The following ZNF185 variants were observed in gnomAD, a reference collection of about 807,000 sequenced individuals.
ZNF185 encodes zinc finger protein 185.
A neutral mutation model predicts 58.6 loss-of-function variants in ZNF185; 56 were observed. The observed-to-expected ratio is 0.95, with a 90% CI of 0.77 to 1.19. The LOEUF is 1.19. ZNF185 is among the 50% of genes most tolerant of loss of function. ZNF185 has a pLI of 0.00. For synonymous variants in ZNF185, 230 were observed against 215.9 expected, an observed-to-expected ratio of 1.07 and a Z score of -0.57; for missense variants, 627 against 573.5, an observed-to-expected ratio of 1.09 and a Z score of -0.95.
intron 15 of ZNF185, 82 bp from the exon 18 acceptor site, chrX:152,945,185 G>GTGAC: frequency 1.9e-6 from 2 of 1,057,254 alleles, no homozygotes; most frequent in Non-Finnish European, 2.5e-6. Context: ...TCCACAGGAG[G>GTGAC]TGACAGCCAG....
rs190140741 is a variant in ZNF185 at position 152,937,845 on chromosome X, G to C, written c.1122-229G>C. 4.1e-4 allele frequency among the ~76,000 whole-genome samples: 46 copies of C among 112,416 alleles called. No individual in the cohort carries two copies. In the East Asian group the frequency reaches 0.012, roughly 29 times the overall value. On this transcript the variant is annotated intron_variant, in intron 14 of 22. Coordinates refer to ENST00000449285, the Ensembl canonical transcript of ZNF185. ...TTCCCCAGGGAACCCAAGTTGGTCA[G>C]GGGCAGTGTTTGCTCTTGAACTCAG...
At chrX:152,938,258 C>G (rs2046592644) in intron 15 of ZNF185, 95 bp downstream of exon 17, 5 of 903,764 alleles carry the variant, frequency 5.5e-6, no homozygotes, top group East Asian at 3.5e-5. Context: ...GTGAGGCCAG[C>G]AAGGTTTGTG....
At chrX:152,933,529 G>A (rs1709018817) in intron 14 of ZNF185, among the ~76,000 whole-genome samples, 2 of 112,246 alleles carry the variant, frequency 1.8e-5, no homozygotes, top group Non-Finnish European at 3.8e-5. Flanking sequence ...GACCTGGAGG[G>A]AGTCAGGGGC....
the ZNF185 span, among the ~76,000 whole-genome samples, chrX:152,906,046 G>A: frequency 8.9e-6 from 1 of 112,380 alleles, no homozygotes; most frequent in African/African-American, 3.2e-5. Flanking sequence ...CCATGGTTTG[G>A]TCATTGCCAC....
exon 6 of ZNF185, chrX:152,918,103 C>T (rs371475771): frequency 2.1e-5 from 25 of 1,193,648 alleles, no homozygotes; most frequent in Non-Finnish European, 2.6e-5. Flanking sequence ...GCTGGTCCTC[C>T]CCGCCCCTCC....
At chrX:152,941,803 C>A (rs1472325487) in intron 15 of ZNF185, 1 of 1,159,612 alleles carries the variant, frequency 8.6e-7, no homozygotes, top group African/African-American at 1.8e-5. Context: ...ACGAATGGGC[C>A]CGAGGAGCTG....
At chrX:152,954,836 C>T (rs1267000905) in intron 16 of ZNF185, among the ~76,000 whole-genome samples, 3 of 111,355 alleles carry the variant, frequency 2.7e-5, no homozygotes, top group Non-Finnish European at 5.7e-5. Flanking sequence ...AAACCTCAGC[C>T]GGATTAAATT....
At chrX:152,915,104 G>A (rs1201567245) in intron 2 of ZNF185, 34 bp from the exon 4 acceptor site, 15 of 1,198,839 alleles carry the variant, frequency 1.3e-5, no homozygotes, top group East Asian at 3.0e-5. Flanking sequence ...AGGGAGTCTC[G>A]GAGCCAATCC....
In ZNF185 at chrX:152,917,017, C is replaced by G; in HGVS notation, c.225-114C>G. The G allele has an allele frequency of 3.8e-6, 4 of 1,052,672 alleles. No individual in the cohort carries two copies. The Admixed American group carries it at 9.0e-5, about 24-fold the overall frequency. The allele number at this position is 1,052,672 out of a possible 1,213,427, so 86.8% of individuals were successfully genotyped here. On this transcript the variant is annotated intron_variant, in intron 3 of 22. Transcript: ENST00000449285. ...CCCTCGTTTCTGCTGTACTGGGACA[C>G]CTGGAGCACTTGCCAGCCAATCTTA...
intron 12 of ZNF185, among the ~76,000 whole-genome samples, chrX:152,931,022 C>T (rs1440257856): frequency 1.8e-5 from 2 of 111,480 alleles, no homozygotes; most frequent in Non-Finnish European, 3.8e-5. Context: ...CCTCCGTTTG[C>T]TCATCTGAAA....
intron 15 of ZNF185, 74 bp from the exon 18 acceptor site, chrX:152,945,193 C>T (rs2047660275): frequency 9.2e-7 from 1 of 1,087,141 alleles, no homozygotes; most frequent in Non-Finnish European, 1.2e-6. Flanking sequence ...AGGTGACAGC[C>T]AGCTTGCGTC....
intron 7 of ZNF185, 94 bp from the exon 9 acceptor site, chrX:152,920,234 G>T: frequency 1.1e-6 from 1 of 873,427 alleles, no homozygotes; most frequent in Non-Finnish European, 1.6e-6. Flanking sequence ...CCCTGGGGTG[G>T]CCCTAAGTCA....
At chrX:152,970,405 G>C (rs1556918254) in intron 21 of ZNF185, 38 bp from the exon 24 acceptor site, 1 of 1,176,871 alleles carries the variant, frequency 8.5e-7, no homozygotes, top group East Asian at 3.0e-5. Context: ...CTCTTGCTTT[G>C]CTTTGTGTGT....
At position 152,946,575 on chromosome X, in the gene ZNF185, G is replaced by A. The variant is rs1397791843; in HGVS notation, c.1409+1111G>A. ...GTTCCATGCAGAAGGGGTATAAAAA[G>A]TGAGGCTTGTGGATGAAGGAGGAGG... On this transcript the variant is annotated intron_variant, in intron 16 of 22. Transcript: ENST00000449285. Among the ~76,000 whole-genome samples the A allele has an allele frequency of 2.7e-5, 3 of 111,622 alleles. No individual in the cohort carries two copies. In the Admixed American group the frequency reaches 2.9e-4, roughly 11 times the overall value.
At chrX:152,913,053 A>G (rs1191419796), upstream of ZNF185, among the ~76,000 whole-genome samples, 2 of 111,988 alleles carry the variant, frequency 1.8e-5, no homozygotes, top group Non-Finnish European at 3.8e-5. Context: ...GATGTGGCAA[A>G]TTTGGTTTGC....
exon 17 of ZNF185, chrX:152,959,803 C>A (rs1427236583): frequency 8.3e-7 from 1 of 1,210,344 alleles, no homozygotes; most frequent in Non-Finnish European, 1.1e-6. Context: ...CCAGCTGTAC[C>A]CACTCAGCAA....
chrX:152,965,362 C>A, intron 18 of ZNF185, 85 bp from the exon 21 acceptor site: 1 of 927,347 alleles, frequency 1.1e-6, no homozygotes, highest in Non-Finnish European at 1.5e-6. Context: ...TGGGTCTCCC[C>A]AGCCCTGAAC....
intron 16 of ZNF185, among the ~76,000 whole-genome samples, chrX:152,953,407 C>T (rs2048487576): frequency 8.9e-6 from 1 of 111,948 alleles, no homozygotes; most frequent in African/African-American, 3.2e-5. Flanking sequence ...AAGCAAATAC[C>T]GTCTCTGGGC....
intron 16 of ZNF185, among the ~76,000 whole-genome samples, chrX:152,948,403 C>T (rs1354719554): frequency 2.7e-5 from 3 of 111,419 alleles, no homozygotes; most frequent in East Asian, 2.8e-4. Context: ...GTGAAAGCAA[C>T]GTGTGCATGT....
Sources: gnomAD v4.1 joint callset for allele counts (sites outside exome capture counted in the v4.1 genomes callset) on GRCh38, gnomAD v4.1.1 for gene constraint, MANE v1.5 for transcripts, NCBI Gene and HGNC (gene_info 2026-07-23, HGNC 2026-07-21) for gene names.